CREB5: variants seen among roughly 807,000 people sequenced by gnomAD.
CREB5 encodes the protein cyclic AMP-responsive element-binding protein 5.
In CREB5, 19 loss-of-function variants were observed where a neutral mutation model predicts 57.1. That is an observed-to-expected ratio of 0.33 (90% confidence interval 0.23 to 0.49). CREB5 has a LOEUF of 0.49. Ranked by LOEUF, CREB5 falls within the 20% of genes least tolerant of loss-of-function variation. CREB5 has a pLI of 0.99. For synonymous variants in CREB5, 238 were observed against 238.3 expected, an observed-to-expected ratio of 1.00 and a Z score of 0.01; for missense variants, 579 against 671.6, an observed-to-expected ratio of 0.86 and a Z score of 1.52.
intron 4 of CREB5, among the ~76,000 whole-genome samples, chr7:28,558,129 C>T (rs1307286674): frequency 6.6e-6 from 1 of 152,178 alleles, no homozygotes; most frequent in Non-Finnish European, 1.5e-5. Context: ...AAAATGTTAT[C>T]TCTTTAAATT....
At chr7:28,349,832 A>G (rs1169065125) in intron 1 of CREB5, among the ~76,000 whole-genome samples, 2 of 152,214 alleles carry the variant, frequency 1.3e-5, no homozygotes, top group Non-Finnish European at 2.9e-5. Context: ...TATTTATTCT[A>G]CTACATGACA....
At chr7:28,554,571 A>G (rs1019723579) in intron 4 of CREB5, among the ~76,000 whole-genome samples, 1 of 151,440 alleles carries the variant, frequency 6.6e-6, no homozygotes, top group African/African-American at 2.4e-5. Flanking sequence ...TTTTCTTTTC[A>G]TTTTCCTAAG....
Position 28,804,424 on chromosome 7 carries a change from A to T in CREB5, c.928A>T (p.Asn310Tyr). Residue 310 changes from asparagine to tyrosine, a missense_variant, in exon 8 of 11, where the codon AAC (asparagine) becomes TAC (tyrosine). By Grantham distance (143) the Asn-to-Tyr change is moderately radical. Transcript: ENST00000357727. ...HPHPQPHHQQ[N>Y]HPHHHSHSHL... ...TCACCCTCAACCCCATCACCAGCAG[A>T]ACCATCCACATCACCACTCCCATTC... 1 of 1,613,612 alleles carries T rather than the reference A, an allele frequency of 6.2e-7. No individual in the cohort carries two copies. Among genetic ancestry groups the T allele is most frequent in the East Asian group, 2.2e-5 (1 of 44,872 alleles).
intron 10 of CREB5, chr7:28,818,702 T>C (rs1169938893): frequency 2.2e-6 from 1 of 457,948 alleles, no homozygotes; most frequent in Non-Finnish European, 4.4e-6. Flanking sequence ...TGAGTAGGGA[T>C]GGTGGGAGGA....
chr7:28,778,157 G>A (rs1806768091), intron 7 of CREB5, among the ~76,000 whole-genome samples: 1 of 152,162 alleles, frequency 6.6e-6, no homozygotes, highest in Non-Finnish European at 1.5e-5. Flanking sequence ...AAACAACAAA[G>A]TTTTATAAGA....
intron 4 of CREB5, among the ~76,000 whole-genome samples, chr7:28,540,047 A>G (rs1583598055): frequency 6.6e-6 from 1 of 152,158 alleles, no homozygotes; most frequent in East Asian, 1.9e-4. Context: ...TTGAGAGACT[A>G]GTTTATATTT....
chr7:28,453,751 T>C (rs767963236), intron 1 of CREB5, among the ~76,000 whole-genome samples: 6 of 152,230 alleles, frequency 3.9e-5, no homozygotes, highest in African/African-American at 1.2e-4. Flanking sequence ...CTGTTCTAGA[T>C]ATATCTGGTA....
intron 1 of CREB5, among the ~76,000 whole-genome samples, chr7:28,431,870 G>C (rs989676973): frequency 1.3e-5 from 2 of 152,138 alleles, no homozygotes; most frequent in Admixed American, 6.5e-5. Flanking sequence ...GATGAACTCT[G>C]GGTTGGGGGC....
chr7:28,676,075 G>T (rs1040979868), intron 5 of CREB5, among the ~76,000 whole-genome samples: 1 of 151,976 alleles, frequency 6.6e-6, no homozygotes, highest in Non-Finnish European at 1.5e-5. Context: ...TCTGAGTAAG[G>T]GGGTATAAAA....
chr7:28,636,039 A>G (rs1455464908), intron 5 of CREB5, among the ~76,000 whole-genome samples: 1 of 152,252 alleles, frequency 6.6e-6, no homozygotes, highest in Non-Finnish European at 1.5e-5. Context: ...GGATTATAGC[A>G]CTGGATGAAA....
chr7:28,631,241 G>A (rs1255224140), intron 5 of CREB5, among the ~76,000 whole-genome samples: 1 of 152,066 alleles, frequency 6.6e-6, no homozygotes, highest in Non-Finnish European at 1.5e-5. Context: ...GGAATAACTG[G>A]GATACTCTGT....
chr7:28,657,718 A>G (rs371191268), intron 5 of CREB5, among the ~76,000 whole-genome samples: 35 of 68,280 alleles, frequency 5.1e-4, no homozygotes, highest in African/African-American at 1.8e-3. Flanking sequence ...CTCTCTCTCG[A>G]AAAAAAAAAA....
chr7:28,758,893 AGT>A (rs35779988), intron 7 of CREB5, among the ~76,000 whole-genome samples: 36,451 of 152,050 alleles, frequency 0.24, 5,171 homozygotes, highest in Non-Finnish European at 0.33. Context: ...CTTACAGAAA[AGT>A]GTATTTAAAG....
At chr7:28,378,660 T>A (rs1294898223) in intron 1 of CREB5, among the ~76,000 whole-genome samples, 1 of 152,200 alleles carries the variant, frequency 6.6e-6, no homozygotes, top group African/African-American at 2.4e-5. Flanking sequence ...ATGTCTTTTG[T>A]GTGTTCATCC....
At chr7:28,679,352 C>T (rs553919456) in intron 5 of CREB5, among the ~76,000 whole-genome samples, 3 of 152,266 alleles carry the variant, frequency 2.0e-5, no homozygotes, top group Admixed American at 2.0e-4. Context: ...CCCAAGTTTT[C>T]CTCTCTGTGA....
At chr7:28,522,844 A>G (rs529217379) in intron 4 of CREB5, among the ~76,000 whole-genome samples, 1 of 152,224 alleles carries the variant, frequency 6.6e-6, no homozygotes, top group South Asian at 2.1e-4. Context: ...CTTTCTTCGT[A>G]ATGCACTTTT....
chr7:28,761,940 CATAAAG>C (rs141987913), intron 7 of CREB5, among the ~76,000 whole-genome samples: 2,439 of 152,210 alleles, frequency 0.016, 62 homozygotes, highest in Admixed American at 0.07. Context: ...GAGTTCGCAA[CATAAAG>C]ATAAAGTAGT....
At chr7:28,340,749 T>C (rs1338908529) in intron 1 of CREB5, among the ~76,000 whole-genome samples, 1 of 152,190 alleles carries the variant, frequency 6.6e-6, no homozygotes, top group Non-Finnish European at 1.5e-5. Context: ...CCTTTCAAGT[T>C]GATTTAGGAC....
At chr7:28,304,504 T>G (rs556562794) in intron 1 of CREB5, among the ~76,000 whole-genome samples, 88 of 152,324 alleles carry the variant, frequency 5.8e-4, no homozygotes, top group African/African-American at 2.1e-3. Context: ...CTTAGCCTGC[T>G]GGTGGGAGTA....
Sources: allele counts gnomAD v4.1 joint callset (sites outside exome capture counted in the v4.1 genomes callset), GRCh38; gene constraint gnomAD v4.1.1; transcripts MANE v1.5; gene names NCBI Gene and HGNC (gene_info 2026-07-23, HGNC 2026-07-21).